Variants in SEL1L3 observed in about 807,000 individuals in gnomAD.
The protein encoded by SEL1L3 is protein sel-1 homolog 3.
In SEL1L3, 76 loss-of-function variants were observed where a neutral mutation model predicts 142.8. That is an observed-to-expected ratio of 0.53 (90% CI 0.44 to 0.64). SEL1L3 has a LOEUF of 0.64. Ranked by LOEUF, SEL1L3 falls within the 30% of genes least tolerant of loss-of-function variation. The pLI, the probability that SEL1L3 is intolerant of heterozygous loss-of-function variation, is 0.00. For synonymous variants in SEL1L3, 504 were observed against 519.6 expected (o/e 0.97, Z 0.41); for missense variants, 1,262 against 1,381.7 (o/e 0.91, Z 1.37).
intron 11 of SEL1L3, among the ~76,000 whole-genome samples, chr4:25,791,119 CA>C (rs1489001656): frequency 1.3e-5 from 2 of 152,218 alleles, no homozygotes; most frequent in African/African-American, 4.8e-5. Context: ...CCAGATTATA[CA>C]CATGCAAAAT....
chr4:25,824,357 C>T (rs558795711), intron 6 of SEL1L3, among the ~76,000 whole-genome samples: 7 of 152,286 alleles, frequency 4.6e-5, no homozygotes, highest in African/African-American at 1.4e-4. Context: ...TTACAGCATC[C>T]GGGATGCTCA....
intron 17 of SEL1L3, among the ~76,000 whole-genome samples, chr4:25,771,972 C>T (rs1173620077): frequency 6.6e-6 from 1 of 152,284 alleles, no homozygotes; most frequent in East Asian, 1.9e-4. Flanking sequence ...TAGAAAAGCA[C>T]AAGCTCATCA....
chr4:25,785,835 G>A (rs1293763635), intron 13 of SEL1L3, among the ~76,000 whole-genome samples: 1 of 151,808 alleles, frequency 6.6e-6, no homozygotes, highest in African/African-American at 2.4e-5. Context: ...ACTCTTTTTT[G>A]TTTTGAAGAA....
chr4:25,862,703 G>C lies in SEL1L3; in HGVS notation c.134C>G (p.Ala45Gly). The change falls in exon 1 of 24, where the codon GCC (alanine) becomes GGC (glycine). Residue 45 changes from alanine to glycine, a missense_variant. Coordinates refer to ENST00000399878, the MANE Select transcript of SEL1L3 (RefSeq NM_015187.5). ...GVPQGLGGRS[A>G]CALLLLCYLN... ...GTAGCAGAGCAGGAGCAGCGCGCAG[G>C]CAGAGCGGCCGCCGAGGCCCTGGGG... The C allele has an allele frequency of 7.7e-7, 1 of 1,302,160 alleles. No individual in the cohort carries two copies. The highest frequency in any genetic ancestry group is 2.2e-5 in the South Asian group (1 of 45,844). The allele number at this position is 1,302,160 out of a possible 1,614,324, so 80.7% of individuals were successfully genotyped here.
At chr4:25,720,833 TTCTA>T in the SEL1L3 span, 1 of 152,194 alleles carries the variant, frequency 6.6e-6, no homozygotes, top group Non-Finnish European at 1.5e-5. Context: ...TTTGACTACC[TTCTA>T]TCTGTCTGTG....
intron 11 of SEL1L3, among the ~76,000 whole-genome samples, chr4:25,790,861 C>G (rs1010500437): frequency 6.6e-6 from 1 of 151,994 alleles, no homozygotes; most frequent in South Asian, 2.1e-4. Flanking sequence ...TATAAGCACG[C>G]AAAAGACATG....
rs1433719260 is a variant in SEL1L3 at position 25,788,796 on chromosome 4, A to G, written c.2077-432T>C. Among the ~76,000 whole-genome samples the G allele has an allele frequency of 1.3e-5, 2 of 152,008 alleles. No homozygotes were observed. The highest frequency in any genetic ancestry group is 2.9e-5 in the Non-Finnish European group (2 of 68,012). On this transcript the variant is annotated intron_variant, in intron 12 of 23. Coordinates refer to ENST00000399878, the MANE Select transcript of SEL1L3 (RefSeq NM_015187.5). The surrounding 1 kb of genome is among the most constrained non-coding windows in gnomAD (Gnocchi z 5.3). ...TATAGCACTGATCTCTCATCTTATC[A>G]TTTGTCTACATGGCTGGCTCCAACA...
chr4:25,788,152 C>A lies in SEL1L3; in HGVS notation c.2217+72G>T. On this transcript the variant is annotated intron_variant, in intron 13 of 23. Coordinates refer to ENST00000399878, the MANE Select transcript of SEL1L3 (RefSeq NM_015187.5). This position sits in a 1 kb window ranked among gnomAD's most constrained non-coding sequence, Gnocchi z 5.3. ...CAGTTATCGACTCCCTGTTTGCCAG[C>A]CCGCCCACAGGAAACTGCTCAGGAG... 1 of 1,515,330 alleles carries A rather than the reference C, an allele frequency of 6.6e-7. No homozygotes were observed. Among genetic ancestry groups the A allele is most frequent in the Admixed American group, 1.8e-5 (1 of 56,240 alleles). The allele number at this position is 1,515,330 out of a possible 1,614,324, so 93.9% of individuals were successfully genotyped here. A position where few individuals can be genotyped will look rare whatever the true frequency, so the allele number is the denominator to read the frequency against.
At position 25,784,281 on chromosome 4, in the gene SEL1L3, C is replaced by G. The variant is rs958381182; in HGVS notation, c.2227G>C (p.Val743Leu). ...YAIVLFKGQG[V>L]KKNRRLALEL... ...AAGGCAAGCCGTCTGTTCTTTTTTA[C>G]TCCTTGACCCTAAACATTGATAAAC... The change falls in exon 14 of 24, where the codon GTA becomes CTA. Residue 743 changes from valine (V) to leucine (L), a missense_variant. Physicochemically the swap from Val to Leu is conservative, Grantham distance 32. Around this residue, in one of 3 missense-constraint regions of SEL1L3, gnomAD observed 435 missense variants for 559.2 expected, o/e 0.78. Coordinates refer to ENST00000399878, the MANE Select transcript of SEL1L3 (RefSeq NM_015187.5). 2.5e-6 allele frequency: 4 copies of G among 1,613,456 alleles called. No individual in the cohort carries two copies. The highest frequency in any genetic ancestry group is 3.4e-6 in the Non-Finnish European group (4 of 1,179,466).
the SEL1L3 span, among the ~76,000 whole-genome samples, chr4:25,722,348 G>A: frequency 2.0e-5 from 3 of 152,212 alleles, 1 homozygote; most frequent in East Asian, 5.8e-4. Flanking sequence ...AAAGGGGAGA[G>A]TAAGAATTCT....
chr4:25,759,097 C>A, intron 20 of SEL1L3, 29 bp from the exon 21 acceptor site: 1 of 1,606,722 alleles, frequency 6.2e-7, no homozygotes, highest in South Asian at 1.1e-5. Context: ...CCAAACTCAT[C>A]AAATCCTTGA....
At chr4:25,733,678 G>A in the SEL1L3 span, among the ~76,000 whole-genome samples, 55 of 152,018 alleles carry the variant, frequency 3.6e-4, no homozygotes, top group Admixed American at 9.2e-4. Flanking sequence ...GCACCACCGC[G>A]CCCGGCTAAT....
At chr4:25,852,048 C>G (rs887573796) in intron 1 of SEL1L3, among the ~76,000 whole-genome samples, 2 of 152,004 alleles carry the variant, frequency 1.3e-5, no homozygotes, top group African/African-American at 4.8e-5. Context: ...CATGCCACCC[C>G]CCCCAGGAGA....
intron 13 of SEL1L3, among the ~76,000 whole-genome samples, chr4:25,785,219 C>T (rs941187494): frequency 1.3e-5 from 2 of 152,182 alleles, no homozygotes; most frequent in Non-Finnish European, 2.9e-5. Context: ...TATTTAAACG[C>T]TTAGCTCTAT....
chr4:25,824,564 C>T (rs143974807), intron 6 of SEL1L3, among the ~76,000 whole-genome samples: 17 of 152,306 alleles, frequency 1.1e-4, no homozygotes, highest in Non-Finnish European at 2.1e-4. Context: ...TTAACCTAGC[C>T]CTCTGTTGGA....
At chr4:25,746,507 AAT>A (rs141668402), downstream of SEL1L3, among the ~76,000 whole-genome samples, 52,269 of 97,210 alleles carry the variant, frequency 0.54, 15,564 homozygotes, top group East Asian at 0.66. Context: ...ATATTATCTA[AAT>A]ATATATATAT....
chr4:25,751,171 T>C (rs748819757), intron 23 of SEL1L3, among the ~76,000 whole-genome samples: 6 of 152,074 alleles, frequency 3.9e-5, no homozygotes, highest in Admixed American at 1.3e-4. Flanking sequence ...ACATATACTT[T>C]GGGATTTTTT....
chr4:25,745,667 T>C (rs1717239907), downstream of SEL1L3, among the ~76,000 whole-genome samples: 1 of 152,204 alleles, frequency 6.6e-6, no homozygotes, highest in South Asian at 2.1e-4. Context: ...AGAGATGCTG[T>C]TTAGCATCTA....
Position 25,800,669 on chromosome 4 carries a change from A to T in SEL1L3, c.1956+1614T>A, listed in dbSNP as rs542626200. On this transcript the variant is annotated intron_variant, in intron 11 of 23. Transcript: ENST00000399878. ...ATTTTTTTAGAACAATTCTTTTTTT[A>T]AAAAAAACTTTACCAATTAATAAAT... Among the ~76,000 whole-genome samples, 446 of 152,114 alleles carry T rather than the reference A, an allele frequency of 2.9e-3. 3 individuals are homozygous for T. Among genetic ancestry groups the T allele is most frequent in the African/African-American group, 9.7e-3 (401 of 41,500 alleles).
Sources: allele counts gnomAD v4.1 joint callset (sites outside exome capture counted in the v4.1 genomes callset), GRCh38; gene constraint gnomAD v4.1.1; regional missense constraint gnomAD v4.1.1; non-coding constraint Gnocchi (gnomAD v3.1); transcripts MANE v1.5; gene names NCBI Gene and HGNC (gene_info 2026-07-23, HGNC 2026-07-21).